C1orf87: variants seen among roughly 807,000 people sequenced by gnomAD.
C1orf87 encodes chromosome 1 open reading frame 87.
Under a neutral mutation model 60.5 loss-of-function variants are expected in C1orf87, and 58 were observed. The observed-to-expected ratio is 0.96, with a 90% CI of 0.78 to 1.19. C1orf87 has a LOEUF of 1.19. Among genes scored for constraint, C1orf87 ranks in the 50% most tolerant of loss-of-function variants. C1orf87 has a pLI of 0.00. For synonymous variants in C1orf87, 236 were observed against 227.4 expected (o/e 1.04, Z -0.34); for missense variants, 673 against 638.6 (o/e 1.05, Z -0.58).
intron 7 of C1orf87, among the ~76,000 whole-genome samples, chr1:60,028,862 G>A (rs1266912005): frequency 1.3e-5 from 2 of 150,084 alleles, no homozygotes; most frequent in Non-Finnish European, 3.0e-5. Context: ...CCACTCCCAT[G>A]TCTCCTTTGA....
At chr1:59,991,697 C>A (rs539183652) in intron 11 of C1orf87, among the ~76,000 whole-genome samples, 1 of 152,100 alleles carries the variant, frequency 6.6e-6, no homozygotes, top group Non-Finnish European at 1.5e-5. Context: ...TTTGAATCTG[C>A]GTAATAGAGG....
chr1:60,063,562 G>A (rs1645511377), intron 2 of C1orf87, among the ~76,000 whole-genome samples: 1 of 151,900 alleles, frequency 6.6e-6, no homozygotes, highest in Admixed American at 6.6e-5. Context: ...CTTATTTCCT[G>A]CTCCTCTCCC....
rs1166304296 is a variant in C1orf87, at chr1:60,055,273, G to C, written c.273C>G (p.Asn91Lys). The C allele has an allele frequency of 6.2e-7, 1 of 1,614,006 alleles. No homozygotes were observed. The highest frequency in any genetic ancestry group is 2.2e-5 in the East Asian group (1 of 44,892). Residue 91 changes from asparagine to lysine, a missense_variant, in exon 3 of 12, where the codon AAC becomes AAG. Physicochemically the swap from Asn to Lys is moderately conservative, Grantham distance 94. Coordinates refer to ENST00000371201, the MANE Select transcript of C1orf87 (RefSeq NM_152377.3). Reference sequence around the variant, plus strand: ...TCTGGTTGTTTTCTGATTTCTGGTTGTTCTCTGGGTGCTTTTTCTCTTTCA... The same window carrying C: ...TCTGGTTGTTTTCTGATTTCTGGTTCTTCTCTGGGTGCTTTTTCTCTTTCA... ...DDVKEKKHPENNQKSENNQKL... is the reference protein window; with the variant it reads ...DDVKEKKHPEKNQKSENNQKL...
intron 3 of C1orf87, among the ~76,000 whole-genome samples, chr1:60,047,695 C>T (rs1290942348): frequency 2.7e-5 from 4 of 148,330 alleles, no homozygotes; most frequent in Non-Finnish European, 4.4e-5. Context: ...AATACTCTAC[C>T]TATATTTTAT....
chr1:60,070,287 T>C (rs1466183114), intron 2 of C1orf87, among the ~76,000 whole-genome samples: 1 of 152,194 alleles, frequency 6.6e-6, no homozygotes, highest in African/African-American at 2.4e-5. Flanking sequence ...ATACAGAAGA[T>C]TTCTCTTTTT....
Position 59,990,839 on chromosome 1 carries a change from A to T in C1orf87, c.1481-6T>A, listed in dbSNP as rs1644916741. ...TCGTTCCTTCTCCAGAACTCCTGTG[A>T]TTGGATTGGGTAGGAGGAAGGTTTT... On this transcript the variant is annotated splice_polypyrimidine_tract_variant and splice_region_variant and intron_variant, in intron 11 of 11. Coordinates refer to ENST00000371201, the MANE Select transcript of C1orf87 (RefSeq NM_152377.3). The T allele has an allele frequency of 1.2e-6, 2 of 1,613,550 alleles. No individual in the cohort carries two copies. Among genetic ancestry groups the T allele is most frequent in the South Asian group, 2.2e-5 (2 of 91,020 alleles).
intron 6 of C1orf87, among the ~76,000 whole-genome samples, chr1:60,036,726 G>A (rs1269335335): frequency 6.6e-6 from 1 of 152,130 alleles, no homozygotes; most frequent in Non-Finnish European, 1.5e-5. Flanking sequence ...ACTGCAATTT[G>A]TCACCTTTTT....
intron 2 of C1orf87, among the ~76,000 whole-genome samples, chr1:60,059,976 G>A (rs1198978900): frequency 6.6e-6 from 1 of 152,070 alleles, no homozygotes; most frequent in Non-Finnish European, 1.5e-5. Flanking sequence ...GGAAATGGGA[G>A]GGGAGTACAG....
intron 9 of C1orf87, 86 bp downstream of exon 9, chr1:60,010,306 G>GCAAACCACTCAAACTAGGCAGCATAAGT: frequency 8.2e-7 from 1 of 1,226,394 alleles, no homozygotes; most frequent in Non-Finnish European, 1.2e-6. Context: ...AACCCAACAA[G>GCAAACCACTCAAACTAGGCAGCATAAGT]CAAACCACTC....
intron 6 of C1orf87, among the ~76,000 whole-genome samples, chr1:60,035,666 T>C (rs1325614048): frequency 2.0e-5 from 3 of 152,254 alleles, no homozygotes; most frequent in East Asian, 3.8e-4. Context: ...GATTTCTTCA[T>C]GTGCCTTTTC....
chr1:60,069,556 G>T (rs1230711727), intron 2 of C1orf87, among the ~76,000 whole-genome samples: 1 of 152,140 alleles, frequency 6.6e-6, no homozygotes, highest in Admixed American at 6.6e-5. Context: ...TTGCTCTTTT[G>T]TGAAATATAT....
intron 2 of C1orf87, among the ~76,000 whole-genome samples, chr1:60,071,250 T>G (rs1047538187): frequency 1.3e-5 from 2 of 152,234 alleles, no homozygotes; most frequent in African/African-American, 4.8e-5. Flanking sequence ...TTACTAAGCA[T>G]GTTATTTATA....
intron 3 of C1orf87, among the ~76,000 whole-genome samples, chr1:60,041,558 AC>A (rs1314239358): frequency 6.6e-6 from 1 of 152,126 alleles, no homozygotes; most frequent in African/African-American, 2.4e-5. Context: ...AGAATATTAT[AC>A]TCTAGGAGTA....
intron 2 of C1orf87, among the ~76,000 whole-genome samples, chr1:60,064,610 A>G (rs1299791564): frequency 1.2e-5 from 1 of 83,258 alleles, no homozygotes; most frequent in Non-Finnish European, 2.2e-5. Context: ...TGTCCTATAT[A>G]TAAAATATAT....
intron 8 of C1orf87, among the ~76,000 whole-genome samples, chr1:60,022,861 TTAACACAGGTG>T (rs1459810436): frequency 6.6e-6 from 1 of 152,140 alleles, no homozygotes; most frequent in East Asian, 1.9e-4. Flanking sequence ...TACTAAGTGA[TTAACACAGGTG>T]TAACATATAC....
In C1orf87 at chr1:60,035,782, T is replaced by G. The variant is rs151111607; in HGVS notation, c.864-2141A>C. 2.6e-3 allele frequency among the ~76,000 whole-genome samples: 391 copies of G among 152,340 alleles called. 2 individuals are homozygous for G. Among genetic ancestry groups the G allele is most frequent in the African/African-American group, 9.1e-3 (380 of 41,572 alleles). On this transcript the variant is annotated intron_variant, in intron 6 of 11. Transcript: ENST00000371201. ...CAAATATTATTGAGCATCTTCTGTA[T>G]GCCAGGAACTATGTTAGAACTATGC...
At chr1:60,014,761 T>A (rs1381332592) in intron 8 of C1orf87, among the ~76,000 whole-genome samples, 1 of 152,194 alleles carries the variant, frequency 6.6e-6, no homozygotes, top group East Asian at 1.9e-4. Context: ...ATGTACAGTA[T>A]GTAGTTCTCC....
At position 60,064,723 on chromosome 1, in the gene C1orf87, T is replaced by A. The variant is rs1340113012; in HGVS notation, c.107+7814A>T. On this transcript the variant is annotated intron_variant, in intron 2 of 11. Coordinates refer to ENST00000371201, the MANE Select transcript of C1orf87 (RefSeq NM_152377.3). ...TATTATTTCAATATATATAAATATA[T>A]TTAAATATATTTAAATAGAATATTA... Among the ~76,000 whole-genome samples, 6 of 98,902 alleles carry A rather than the reference T, an allele frequency of 6.1e-5. No homozygotes were observed. The South Asian group carries it at 1.6e-3, about 27-fold the overall frequency. 64.9% of individuals were successfully genotyped at this position (98,902 alleles called of 152,430 possible). A position where few individuals can be genotyped will look rare whatever the true frequency, so the allele number is the denominator to read the frequency against.
intron 3 of C1orf87, among the ~76,000 whole-genome samples, chr1:60,045,794 G>C (rs528011871): frequency 3.9e-5 from 6 of 152,300 alleles, no homozygotes; most frequent in African/African-American, 1.4e-4. Flanking sequence ...ATGGGGCCCA[G>C]GAATCTGTGT....
Sources: allele counts gnomAD v4.1 joint callset (sites outside exome capture counted in the v4.1 genomes callset), GRCh38; gene constraint gnomAD v4.1.1; transcripts MANE v1.5; gene names NCBI Gene and HGNC (gene_info 2026-07-23, HGNC 2026-07-21).